Variants in ASB18 observed in about 807,000 individuals in gnomAD.
ASB18 encodes the protein ankyrin repeat and SOCS box protein 18.
ASB18 carries 33 observed loss-of-function variants against 33.4 expected under a neutral mutation model. The observed-to-expected ratio is 0.99, with a 90% confidence interval of 0.75 to 1.32. The LOEUF is 1.32. ASB18 is among the 40% of genes most tolerant of loss of function. ASB18 has a pLI of 0.00. For synonymous variants in ASB18, 295 were observed against 307.6 expected (o/e 0.96, Z 0.43); for missense variants, 694 against 655.5 (o/e 1.06, Z -0.64).
In ASB18 at chr2:236,208,308, C is replaced by T. The variant is rs1173461154; in HGVS notation, c.1101+6054G>A. ...TGTTGATATTTCTGGCTCACACGAGCCCCACTAACATGCCATTTCCTCGTG... is the reference window on the plus strand; with the variant it reads ...TGTTGATATTTCTGGCTCACACGAGTCCCACTAACATGCCATTTCCTCGTG... On this transcript the variant is annotated intron_variant, in intron 4 of 5. Coordinates refer to ENST00000409749, the MANE Select transcript of ASB18 (RefSeq NM_212556.4). This position sits in a 1 kb window ranked among gnomAD's most constrained non-coding sequence, Gnocchi z 7.7. Among the ~76,000 whole-genome samples, 2 of 152,140 alleles carry T rather than the reference C, an allele frequency of 1.3e-5. No individual in the cohort carries two copies. The highest frequency in any genetic ancestry group is 4.8e-5 in the African/African-American group (2 of 41,418).
At chr2:236,198,423 C>G (rs1307914922) in intron 4 of ASB18, among the ~76,000 whole-genome samples, 1 of 151,850 alleles carries the variant, frequency 6.6e-6, no homozygotes, top group African/African-American at 2.4e-5. Flanking sequence ...GGCTGGGGTG[C>G]AGTGGTATGA....
At position 236,226,644 on chromosome 2, in the gene ASB18, G is replaced by A. The variant is rs1258314167; in HGVS notation, c.596+11045C>T. ...CTGCATATGGCCTCAGCTCCTTATG[G>A]TGTCCAAATGTAAGCTTGTTGGCGT... On this transcript the variant is annotated intron_variant, in intron 3 of 5. Coordinates refer to ENST00000409749, the MANE Select transcript of ASB18 (RefSeq NM_212556.4). The surrounding 1 kb of genome is among the most constrained non-coding windows in gnomAD (Gnocchi z 4.8). 2.0e-5 allele frequency among the ~76,000 whole-genome samples: 3 copies of A among 152,152 alleles called. No homozygotes were observed. Among genetic ancestry groups the A allele is most frequent in the African/African-American group, 7.2e-5 (3 of 41,432 alleles).
intron 3 of ASB18, among the ~76,000 whole-genome samples, chr2:236,224,512 G>A (rs974691008): frequency 6.6e-6 from 1 of 152,090 alleles, no homozygotes; most frequent in Admixed American, 6.6e-5. Flanking sequence ...GAGGGAGGTG[G>A]CCAGAGATAA....
At chr2:236,230,337 A>G (rs2060558503) in intron 3 of ASB18, among the ~76,000 whole-genome samples, 1 of 150,802 alleles carries the variant, frequency 6.6e-6, no homozygotes, top group Non-Finnish European at 1.5e-5. Flanking sequence ...CATTAGACAT[A>G]CAGTGCAAGA....
chr2:236,194,728 G>T lies in ASB18; in HGVS notation c.*144C>A. 1 of 645,482 alleles carries T rather than the reference G, an allele frequency of 1.5e-6. No individual in the cohort carries two copies. Among genetic ancestry groups the T allele is most frequent in the Non-Finnish European group, 2.5e-6 (1 of 394,076 alleles). The allele number at this position is 645,482 out of a possible 1,614,324, so 40.0% of individuals were successfully genotyped here. On this transcript the variant is annotated 3_prime_UTR_variant, in exon 6 of 6. Coordinates refer to ENST00000409749, the MANE Select transcript of ASB18 (RefSeq NM_212556.4). The surrounding 1 kb of genome is among the most constrained non-coding windows in gnomAD (Gnocchi z 4.5). ...TCGAGGTGAACCTGAAGCTTGGCAA[G>T]GTCTGTGCTTCACCCGGTCCCACGG...
At position 236,214,466 on chromosome 2, in the gene ASB18, C is replaced by T. The variant is rs1475218893; in HGVS notation, c.997G>A (p.Val333Met). 1 of 1,521,354 alleles carries T rather than the reference C, an allele frequency of 6.6e-7. No individual in the cohort carries two copies. Among genetic ancestry groups the T allele is most frequent in the Non-Finnish European group, 8.8e-7 (1 of 1,140,820 alleles). The allele number at this position is 1,521,354 out of a possible 1,614,324, so 94.2% of individuals were successfully genotyped here. Residue 333 changes from valine to methionine, a missense_variant, in exon 4 of 6, where the codon GTG becomes ATG. Physicochemically the swap from Val to Met is conservative, Grantham distance 21. Coordinates refer to ENST00000409749, the MANE Select transcript of ASB18 (RefSeq NM_212556.4). The surrounding 1 kb of genome is among the most constrained non-coding windows in gnomAD (Gnocchi z 6.5). The stretch of plus-strand genomic sequence containing the variant: ...AGAGCGCAGGATGCGGTCTGGAGCA[C>T]GCGGCCCAGCGGCGAGGCCCCGCCA... ...DYGGASPLGR[V>M]LQTASCALQA...
Position 236,256,201 on chromosome 2 carries a change from A to AT in ASB18, c.205+7939dup, listed in dbSNP as rs1166989848. Among the ~76,000 whole-genome samples, 2 of 151,988 alleles carry AT rather than the reference A, an allele frequency of 1.3e-5. No homozygotes were observed. Among genetic ancestry groups the AT allele is most frequent in the East Asian group, 3.9e-4 (2 of 5,138 alleles). ...CCATCATGCCCAGGCTAATTGGTGT[A>AT]TTTTTTGTAGAGATAGAGTCTTGCC... On this transcript the variant is annotated intron_variant, in intron 1 of 5. Transcript: ENST00000409749. The surrounding 1 kb of genome is among the most constrained non-coding windows in gnomAD (Gnocchi z 4.7).
rs563533896 is a variant in ASB18 at position 236,231,327 on chromosome 2, T to C, written c.596+6362A>G. Among the ~76,000 whole-genome samples, 1 of 152,322 alleles carries C rather than the reference T, an allele frequency of 6.6e-6. No homozygotes were observed. Among genetic ancestry groups the C allele is most frequent in the South Asian group, 2.1e-4 (1 of 4,828 alleles). On this transcript the variant is annotated intron_variant, in intron 3 of 5. Coordinates refer to ENST00000409749, the MANE Select transcript of ASB18 (RefSeq NM_212556.4). This position sits in a 1 kb window ranked among gnomAD's most constrained non-coding sequence, Gnocchi z 5.5. ...GTCCCTCCAAAATTCATGTTGAAACTTAATTCCCAATGTAATAGTATTAAG... is the reference window on the plus strand; with the variant it reads ...GTCCCTCCAAAATTCATGTTGAAACCTAATTCCCAATGTAATAGTATTAAG...
At chr2:236,206,240 T>G (rs1485072167) in intron 4 of ASB18, among the ~76,000 whole-genome samples, 3 of 152,044 alleles carry the variant, frequency 2.0e-5, no homozygotes, top group African/African-American at 7.2e-5. Flanking sequence ...AGTATTTCAT[T>G]ATAGTGAACA....
At chr2:236,230,881 A>C (rs1239162283) in intron 3 of ASB18, among the ~76,000 whole-genome samples, 1 of 148,178 alleles carries the variant, frequency 6.7e-6, no homozygotes, top group Non-Finnish European at 1.5e-5. Flanking sequence ...AATTACATTA[A>C]ATGTGAATGA....
rs1044084929 is a variant in ASB18, at chr2:236,245,878, G to C, written c.206-4476C>G. 2.0e-5 allele frequency among the ~76,000 whole-genome samples: 3 copies of C among 152,192 alleles called. No homozygotes were observed. The highest frequency in any genetic ancestry group is 4.4e-5 in the Non-Finnish European group (3 of 68,020). Reference sequence around the variant, plus strand: ...TTGCTCAACATTAAAGCTCCTCAGTGGTTCTTGCTCTTATTCTTGGCCATC... The same window carrying C: ...TTGCTCAACATTAAAGCTCCTCAGTCGTTCTTGCTCTTATTCTTGGCCATC... On this transcript the variant is annotated intron_variant, in intron 1 of 5. Coordinates refer to ENST00000409749, the MANE Select transcript of ASB18 (RefSeq NM_212556.4). The surrounding 1 kb of genome is among the most constrained non-coding windows in gnomAD (Gnocchi z 4.7).
At chr2:236,227,076 G>A (rs1379499524) in intron 3 of ASB18, among the ~76,000 whole-genome samples, 1 of 152,146 alleles carries the variant, frequency 6.6e-6, no homozygotes, top group East Asian at 1.9e-4. Context: ...AGGATACCAT[G>A]TTGCATTTAA....
In ASB18 at chr2:236,200,371, C is replaced by T. The variant is rs1229905481; in HGVS notation, c.1102-3986G>A. ...CTAAAAAAAAAAGAGATGGCGAGTT[C>T]GATATGGGATCATTCCAGAAGTGTT... On this transcript the variant is annotated intron_variant, in intron 4 of 5. Coordinates refer to ENST00000409749, the MANE Select transcript of ASB18 (RefSeq NM_212556.4). The surrounding 1 kb of genome is among the most constrained non-coding windows in gnomAD (Gnocchi z 4.2). Among the ~76,000 whole-genome samples the T allele has an allele frequency of 2.6e-5, 4 of 151,938 alleles. No individual in the cohort carries two copies. Among genetic ancestry groups the T allele is most frequent in the East Asian group, 1.9e-4 (1 of 5,174 alleles).
chr2:236,208,761 GC>G lies in ASB18; in HGVS notation c.1101+5600del, dbSNP rs1180084343. Among the ~76,000 whole-genome samples, 2 of 152,286 alleles carry G rather than the reference GC, an allele frequency of 1.3e-5. No homozygotes were observed. The highest frequency in any genetic ancestry group is 3.9e-4 in the East Asian group (2 of 5,178). On this transcript the variant is annotated intron_variant, in intron 4 of 5. Transcript: ENST00000409749. The surrounding 1 kb of genome is among the most constrained non-coding windows in gnomAD (Gnocchi z 7.7). ...CATCGTGCCCCCTCATGTTTGCCAG[GC>G]AGCTGGCTGCCTTCATTATTTTTAC...
At position 236,209,327 on chromosome 2, in the gene ASB18, T is replaced by C. The variant is rs556052675; in HGVS notation, c.1101+5035A>G. On this transcript the variant is annotated intron_variant, in intron 4 of 5. Coordinates refer to ENST00000409749, the MANE Select transcript of ASB18 (RefSeq NM_212556.4). The surrounding 1 kb of genome is among the most constrained non-coding windows in gnomAD (Gnocchi z 4.4). Reference sequence around the variant, plus strand: ...TTGCTCTGTCGTCCAGGCTGGAGTGTAGTATTGCAATCATGGCTCACTGCA... The same window carrying C: ...TTGCTCTGTCGTCCAGGCTGGAGTGCAGTATTGCAATCATGGCTCACTGCA... Among the ~76,000 whole-genome samples, 1 of 151,500 alleles carries C rather than the reference T, an allele frequency of 6.6e-6. No homozygotes were observed. The highest frequency in any genetic ancestry group is 1.5e-5 in the Non-Finnish European group (1 of 67,890).
chr2:236,252,267 T>TCACACACACA lies in ASB18; in HGVS notation c.206-10875_206-10866dup, dbSNP rs113672805. 0.012 allele frequency among the ~76,000 whole-genome samples: 1,682 copies of TCACACACACA among 138,632 alleles called. 24 individuals carry two copies. The highest frequency in any genetic ancestry group is 0.019 in the East Asian group (85 of 4,388). The allele number at this position is 138,632 out of a possible 152,430, so 90.9% of individuals were successfully genotyped here. ...GCCTTGGCAACAGAGTGAGACTCCGTCACACACACACACACACACACACAC... is the reference window on the plus strand; with the variant it reads ...GCCTTGGCAACAGAGTGAGACTCCGTCACACACACACACACACACACACACACACACACAC... On this transcript the variant is annotated intron_variant, in intron 1 of 5. Transcript: ENST00000409749. This position sits in a 1 kb window ranked among gnomAD's most constrained non-coding sequence, Gnocchi z 7.9.
chr2:236,236,990 G>T (rs1217928182), intron 3 of ASB18, among the ~76,000 whole-genome samples: 6 of 152,088 alleles, frequency 3.9e-5, no homozygotes, highest in Non-Finnish European at 8.8e-5. Context: ...TCCGAGACCC[G>T]GAGCACACGC....
chr2:236,251,873 A>G lies in ASB18; in HGVS notation c.206-10471T>C, dbSNP rs963847367. On this transcript the variant is annotated intron_variant, in intron 1 of 5. Transcript: ENST00000409749. The surrounding 1 kb of genome is among the most constrained non-coding windows in gnomAD (Gnocchi z 5.3). ...AGTTCAGTGACACTAATCCTCTCCC[A>G]GTTTGCAGGTGGGAGGGTAAATTGC... is the stretch of plus-strand genomic sequence containing the variant. Among the ~76,000 whole-genome samples, 2 of 152,206 alleles carry G rather than the reference A, an allele frequency of 1.3e-5. No homozygotes were observed. The highest frequency in any genetic ancestry group is 2.9e-5 in the Non-Finnish European group (2 of 68,046).
rs2060697447 is a variant in ASB18, at chr2:236,257,422, T to C, written c.205+6719A>G. On this transcript the variant is annotated intron_variant, in intron 1 of 5. Coordinates refer to ENST00000409749, the MANE Select transcript of ASB18 (RefSeq NM_212556.4). This position sits in a 1 kb window ranked among gnomAD's most constrained non-coding sequence, Gnocchi z 5.5. ...GTGACCTCTCGCTTCCCATTTCTGT[T>C]TTTATTCTCCAGCCTAGCACCCCAC... Among the ~76,000 whole-genome samples the C allele has an allele frequency of 6.6e-6, 1 of 152,214 alleles. No homozygotes were observed. The highest frequency in any genetic ancestry group is 1.5e-5 in the Non-Finnish European group (1 of 68,040).
Sources: gnomAD v4.1 joint callset for allele counts (sites outside exome capture counted in the v4.1 genomes callset) on GRCh38, gnomAD v4.1.1 for gene constraint, Gnocchi (gnomAD v3.1) non-coding constraint, MANE v1.5 for transcripts, NCBI Gene and HGNC (gene_info 2026-07-23, HGNC 2026-07-21) for gene names.